The following CFAP300 variants were observed in gnomAD, a reference collection of about 807,000 sequenced individuals.
CFAP300 encodes cilia and flagella associated protein 300, also known as cilia- and flagella-associated protein 300.
A neutral mutation model predicts 33.0 loss-of-function variants in CFAP300; 32 were observed. The observed-to-expected ratio is 0.97, with a 90% CI of 0.73 to 1.30. The LOEUF is 1.30. CFAP300 is among the 50% of genes most tolerant of loss of function. The pLI is 0.00. For synonymous variants in CFAP300, 102 were observed against 106.8 expected, an observed-to-expected ratio of 0.95 and a Z score of 0.28; for missense variants, 356 against 318.1, an observed-to-expected ratio of 1.12 and a Z score of -0.90.
chr11:102,059,227 G>A (rs553490359), intron 3 of CFAP300, among the ~76,000 whole-genome samples: 3 of 151,832 alleles, frequency 2.0e-5, no homozygotes, highest in Admixed American at 6.6e-5. Context: ...GCTAGATATA[G>A]GGAACATTAA....
chr11:102,052,666 T>G (rs1208056233), intron 2 of CFAP300, among the ~76,000 whole-genome samples: 2 of 152,236 alleles, frequency 1.3e-5, no homozygotes, highest in Non-Finnish European at 2.9e-5. Flanking sequence ...TAGCATTTAT[T>G]AAATGGTTTT....
At chr11:102,052,387 T>C (rs1941984854) in intron 2 of CFAP300, among the ~76,000 whole-genome samples, 1 of 152,238 alleles carries the variant, frequency 6.6e-6, no homozygotes, top group African/African-American at 2.4e-5. Flanking sequence ...TTATATAAAT[T>C]AAAATACTCG....
Position 102,047,649 on chromosome 11 carries a change from G to T in CFAP300, c.110+69G>T, listed in dbSNP as rs527711281. ...GCGGCTGTGGAGGCGCAGGCCGGGC[G>T]TCGAGGGGCCCGCGCGGGTCGGCGC... is the stretch of plus-strand genomic sequence containing the variant. On this transcript the variant is annotated intron_variant, in intron 1 of 6. Coordinates refer to ENST00000434758, the MANE Select transcript of CFAP300 (RefSeq NM_032930.3). 3.4e-6 allele frequency: 5 copies of T among 1,490,266 alleles called. No homozygotes were observed. In the East Asian group the frequency reaches 1.2e-4, roughly 37 times the overall value. 92.3% of individuals were successfully genotyped at this position (1,490,266 alleles called of 1,614,324 possible). A position where few individuals can be genotyped will look rare whatever the true frequency, so the allele number is the denominator to read the frequency against.
At chr11:102,057,643 G>T (rs1024521399) in intron 2 of CFAP300, among the ~76,000 whole-genome samples, 2 of 152,200 alleles carry the variant, frequency 1.3e-5, no homozygotes, top group African/African-American at 4.8e-5. Flanking sequence ...CTCCCAAAAT[G>T]CAAGGAACTC....
At chr11:102,070,441 T>C (rs1942296379) in intron 4 of CFAP300, among the ~76,000 whole-genome samples, 1 of 152,244 alleles carries the variant, frequency 6.6e-6, no homozygotes. Flanking sequence ...GTATAATTCA[T>C]TGTATTTTCC....
chr11:102,062,213 C>T (rs1792589520), intron 3 of CFAP300, among the ~76,000 whole-genome samples: 1 of 152,158 alleles, frequency 6.6e-6, no homozygotes. Context: ...GGACCTTGAC[C>T]TTGGACTTTC....
intron 4 of CFAP300, among the ~76,000 whole-genome samples, chr11:102,074,633 AC>A (rs1250350008): frequency 6.7e-6 from 1 of 149,552 alleles, no homozygotes; most frequent in Non-Finnish European, 1.5e-5. Flanking sequence ...TTTTTTTTCC[AC>A]TTTATTTCTT....
intron 4 of CFAP300, among the ~76,000 whole-genome samples, chr11:102,074,037 G>A (rs565865123): frequency 1.1e-4 from 17 of 152,248 alleles, no homozygotes; most frequent in South Asian, 2.1e-4. Flanking sequence ...AGTGTACTGC[G>A]TCACTCATTC....
chr11:102,056,658 C>T (rs756330133), intron 2 of CFAP300, among the ~76,000 whole-genome samples: 17 of 152,018 alleles, frequency 1.1e-4, no homozygotes, highest in Non-Finnish European at 1.8e-4. Flanking sequence ...TAGTCTCACT[C>T]TGTTACCTAG....
chr11:102,061,317 C>A (rs911627614), intron 3 of CFAP300, among the ~76,000 whole-genome samples: 1 of 152,044 alleles, frequency 6.6e-6, no homozygotes, highest in East Asian at 1.9e-4. Context: ...AAATACCCCC[C>A]TCTTATTTTC....
chr11:102,059,727 A>C (rs376930854), intron 3 of CFAP300, among the ~76,000 whole-genome samples: 11 of 152,014 alleles, frequency 7.2e-5, no homozygotes, highest in African/African-American at 2.7e-4. Flanking sequence ...GAGTCCACTG[A>C]TATTGGGATA....
chr11:102,053,482 C>G (rs554425675), intron 2 of CFAP300, among the ~76,000 whole-genome samples: 1 of 151,802 alleles, frequency 6.6e-6, no homozygotes. Context: ...ACCCAGGAGG[C>G]GGAGGCTGCG....
In CFAP300 at chr11:102,074,110, G is replaced by A. The variant is rs374930094; in HGVS notation, c.436-1763G>A. On this transcript the variant is annotated intron_variant, in intron 4 of 6. Transcript: ENST00000434758. ...ATTTGGGGATGTCATTGGGGCTCTA[G>A]GGATGTGGAGATGCAGGGACTTTTG... 5.3e-5 allele frequency among the ~76,000 whole-genome samples: 8 copies of A among 152,216 alleles called. No individual in the cohort carries two copies. The South Asian group carries it at 1.2e-3, about 24-fold the overall frequency.
intron 4 of CFAP300, among the ~76,000 whole-genome samples, chr11:102,072,789 A>T (rs1942333245): frequency 6.6e-6 from 1 of 151,864 alleles, no homozygotes; most frequent in African/African-American, 2.4e-5. Flanking sequence ...CTTTTTTAGG[A>T]GAAGACTTTT....
At chr11:102,076,728 C>T (rs1216275853) in intron 5 of CFAP300, among the ~76,000 whole-genome samples, 1 of 152,116 alleles carries the variant, frequency 6.6e-6, no homozygotes, top group Non-Finnish European at 1.5e-5. Context: ...CAAGAATTAG[C>T]TTCTCATTGG....
At chr11:102,075,150 G>GA (rs1176236047) in intron 4 of CFAP300, among the ~76,000 whole-genome samples, 1 of 152,166 alleles carries the variant, frequency 6.6e-6, no homozygotes, top group African/African-American at 2.4e-5. Flanking sequence ...CAATCCAGTG[G>GA]AAAAAATATA....
chr11:102,081,710 G>T (rs1452176151), intron 6 of CFAP300, among the ~76,000 whole-genome samples: 1 of 152,016 alleles, frequency 6.6e-6, no homozygotes, highest in East Asian at 1.9e-4. Context: ...GGCTAACACT[G>T]TGAAACCCCG....
At chr11:102,076,182 CCT>C in intron 5 of CFAP300, 137 bp downstream of exon 5, 1 of 805,344 alleles carries the variant, frequency 1.2e-6, no homozygotes, top group Non-Finnish European at 1.7e-6. Flanking sequence ...CCCTTACCCC[CCT>C]CTCATAACCT....
chr11:102,076,176 T>C lies in CFAP300; in HGVS notation c.608+131T>C, dbSNP rs141029969. ...CAAAGCATATAAAAAGCTCTACCCT[T>C]ACCCCCCTCTCATAACCTTCCCCCT... On this transcript the variant is annotated intron_variant, in intron 5 of 6. Transcript: ENST00000434758. 3.0e-5 allele frequency: 29 copies of C among 978,192 alleles called. No homozygotes were observed. The African/African-American group carries it at 4.7e-4, about 16-fold the overall frequency. 60.6% of individuals were successfully genotyped at this position (978,192 alleles called of 1,614,324 possible).
Sources: gnomAD v4.1 joint callset for allele counts (sites outside exome capture counted in the v4.1 genomes callset) on GRCh38, gnomAD v4.1.1 for gene constraint, MANE v1.5 for transcripts, NCBI Gene and HGNC (gene_info 2026-07-23, HGNC 2026-07-21) for gene names.